PDSS2: variants seen among roughly 807,000 people sequenced by gnomAD.
The protein encoded by PDSS2 is all trans-polyprenyl-diphosphate synthase PDSS2.
In PDSS2, 31 loss-of-function variants were observed where a neutral mutation model predicts 44.5. The ratio of observed to expected loss-of-function variants is 0.70; its 90% CI spans 0.52 to 0.94. The LOEUF is 0.94. Among genes scored for constraint, PDSS2 ranks in the 40% least tolerant of loss-of-function variants. The probability of loss-of-function intolerance (pLI) is 0.00; values close to 1 mark genes in which losing one functional copy is unlikely to be tolerated. For synonymous variants in PDSS2, 157 were observed against 180.3 expected (o/e 0.87, Z 1.03); for missense variants, 452 against 482.2 (o/e 0.94, Z 0.59).
intron 6 of PDSS2, among the ~76,000 whole-genome samples, chr6:107,205,265 G>C (rs1337891948): frequency 6.6e-6 from 1 of 152,174 alleles, no homozygotes; most frequent in Non-Finnish European, 1.5e-5. Context: ...GACAGTGTCA[G>C]AATGTCACAA....
intron 7 of PDSS2, among the ~76,000 whole-genome samples, chr6:107,155,604 G>A (rs1194256632): frequency 6.9e-6 from 1 of 144,238 alleles, no homozygotes; most frequent in African/African-American, 2.6e-5. Flanking sequence ...TTTTTGAGAC[G>A]GAGTCTCACT....
intron 1 of PDSS2, among the ~76,000 whole-genome samples, chr6:107,347,302 G>C (rs1470240095): frequency 1.7e-5 from 2 of 116,404 alleles, no homozygotes. Context: ...TCGCTCTGTT[G>C]CCTAGGCTGG....
At chr6:107,375,053 G>A (rs912927124) in intron 1 of PDSS2, among the ~76,000 whole-genome samples, 1 of 151,942 alleles carries the variant, frequency 6.6e-6, no homozygotes, top group African/African-American at 2.4e-5. Context: ...TAAATTGAAT[G>A]AAAGTAAATA....
chr6:107,388,450 T>TTC (rs1554274980), intron 1 of PDSS2, among the ~76,000 whole-genome samples: 2 of 150,460 alleles, frequency 1.3e-5, no homozygotes, highest in African/African-American at 4.9e-5. Flanking sequence ...CATGTGAATT[T>TTC]TTTTTTTTTT....
At chr6:107,245,762 C>T (rs1010233660) in intron 3 of PDSS2, 143 bp from the exon 4 acceptor site, 3 of 526,966 alleles carry the variant, frequency 5.7e-6, no homozygotes, top group African/African-American at 2.0e-5. Context: ...AAGATCTCAG[C>T]AAATGGCATT....
intron 2 of PDSS2, among the ~76,000 whole-genome samples, chr6:107,294,621 C>T (rs1008836651): frequency 2.0e-5 from 3 of 152,064 alleles, no homozygotes; most frequent in Non-Finnish European, 2.9e-5. Flanking sequence ...ATGCGTAACT[C>T]ATAACATACT....
At chr6:107,381,560 C>T (rs1356193299) in intron 1 of PDSS2, among the ~76,000 whole-genome samples, 1 of 152,132 alleles carries the variant, frequency 6.6e-6, no homozygotes, top group African/African-American at 2.4e-5. Context: ...TAGTCAAAGG[C>T]ATAATTTAAT....
intron 7 of PDSS2, among the ~76,000 whole-genome samples, chr6:107,183,211 A>G (rs1311911051): frequency 6.6e-6 from 1 of 151,586 alleles, no homozygotes; most frequent in African/African-American, 2.4e-5. Flanking sequence ...ACTGTCTAAA[A>G]AAAAAAAAAA....
At chr6:107,307,009 T>A (rs1037050631) in intron 2 of PDSS2, among the ~76,000 whole-genome samples, 1 of 152,262 alleles carries the variant, frequency 6.6e-6, no homozygotes, top group Non-Finnish European at 1.5e-5. Context: ...CCCACACTTA[T>A]CTTTCTCTTT....
intron 7 of PDSS2, among the ~76,000 whole-genome samples, chr6:107,175,230 GAT>G (rs1771747217): frequency 1.6e-5 from 2 of 128,504 alleles, no homozygotes; most frequent in Non-Finnish European, 3.4e-5. Flanking sequence ...AAAAAAAAAA[GAT>G]CTCTCTCTCT....
intron 6 of PDSS2, among the ~76,000 whole-genome samples, chr6:107,196,983 G>A (rs928592677): frequency 6.6e-6 from 1 of 152,172 alleles, no homozygotes; most frequent in African/African-American, 2.4e-5. Flanking sequence ...AGAGGAAATG[G>A]AAAACTCCAC....
intron 6 of PDSS2, among the ~76,000 whole-genome samples, chr6:107,209,040 A>G (rs1773108333): frequency 6.6e-6 from 1 of 151,600 alleles, no homozygotes. Context: ...TATAATTCTA[A>G]TTTTTATTCT....
Position 107,186,578 on chromosome 6 carries a change from T to C in PDSS2, c.1041+7244A>G, listed in dbSNP as rs896326426. ...TGTGCCATGGTGGTTTGTGCACCTATTGACCCGCTCTCTAAGTTCCCTCCT... is the reference window on the plus strand; with the variant it reads ...TGTGCCATGGTGGTTTGTGCACCTACTGACCCGCTCTCTAAGTTCCCTCCT... On this transcript the variant is annotated intron_variant, in intron 7 of 7. Transcript: ENST00000369037. Among the ~76,000 whole-genome samples, 4 of 152,154 alleles carry C rather than the reference T, an allele frequency of 2.6e-5. No individual in the cohort carries two copies. In the East Asian group the frequency reaches 7.7e-4, roughly 29 times the overall value.
At chr6:107,160,286 A>T (rs1329637390) in intron 7 of PDSS2, among the ~76,000 whole-genome samples, 1 of 152,162 alleles carries the variant, frequency 6.6e-6, no homozygotes, top group Non-Finnish European at 1.5e-5. Context: ...GTAAACTGTG[A>T]AAAGCAGCAA....
At chr6:107,452,285 T>G (rs1167222341) in intron 1 of PDSS2, among the ~76,000 whole-genome samples, 1 of 151,936 alleles carries the variant, frequency 6.6e-6, no homozygotes, top group Admixed American at 6.6e-5. Context: ...TTGCCCAGGC[T>G]GGAGTGCAGT....
chr6:107,154,726 A>G lies in PDSS2; in HGVS notation c.1093T>C (p.Cys365Arg), dbSNP rs1554245220. 1 of 1,614,198 alleles carries G rather than the reference A, an allele frequency of 6.2e-7. No homozygotes were observed. The highest frequency in any genetic ancestry group is 8.5e-7 in the Non-Finnish European group (1 of 1,180,004). The change falls in exon 8 of 8, where the codon TGT becomes CGT. Residue 365 changes from cysteine to arginine, a missense_variant. By Grantham distance (180) the Cys-to-Arg change is radical. Coordinates refer to ENST00000369037, the MANE Select transcript of PDSS2 (RefSeq NM_020381.4). ...AGTGCCTTGTTTCCATGGTAACGACACAGGTCAATAGCTGAAGTCACACCT... is the reference window on the plus strand; with the variant it reads ...AGTGCCTTGTTTCCATGGTAACGACGCAGGTCAATAGCTGAAGTCACACCT... ...GKGVTSAIDL[C>R]RYHGNKALEA...
At chr6:107,337,606 A>G (rs1187166433) in intron 1 of PDSS2, among the ~76,000 whole-genome samples, 1 of 152,232 alleles carries the variant, frequency 6.6e-6, no homozygotes, top group Non-Finnish European at 1.5e-5. Flanking sequence ...GTGGAAGCAC[A>G]TGGTTGGTGA....
intron 2 of PDSS2, among the ~76,000 whole-genome samples, chr6:107,288,760 T>G (rs1358079674): frequency 2.8e-5 from 4 of 142,900 alleles, no homozygotes; most frequent in East Asian, 2.1e-4. Flanking sequence ...ATTGTTTTTT[T>G]TTTTTTTTTT....
chr6:107,272,639 A>G (rs529155910), intron 3 of PDSS2, among the ~76,000 whole-genome samples: 1 of 152,212 alleles, frequency 6.6e-6, no homozygotes, highest in Non-Finnish European at 1.5e-5. Flanking sequence ...ATATAACAAG[A>G]AATACCTTTA....
Sources: gnomAD v4.1 joint callset for allele counts (sites outside exome capture counted in the v4.1 genomes callset) on GRCh38, gnomAD v4.1.1 for gene constraint, MANE v1.5 for transcripts, NCBI Gene and HGNC (gene_info 2026-07-23, HGNC 2026-07-21) for gene names.